Variants in RBM39 observed in about 807,000 individuals in gnomAD.
The protein encoded by RBM39 is RNA binding motif protein 39.
Under a neutral mutation model 79.6 loss-of-function variants are expected in RBM39, and 12 were observed. The ratio of observed to expected loss-of-function variants is 0.15; its 90% CI spans 0.10 to 0.24. The LOEUF (loss-of-function observed/expected upper bound fraction) is 0.24. Ranked by LOEUF, RBM39 falls within the 10% of genes least tolerant of loss-of-function variation. The probability of loss-of-function intolerance (pLI) is 1.00; values close to 1 mark genes in which losing one functional copy is unlikely to be tolerated. For missense variants in RBM39, 243 were observed against 653.4 expected, an observed-to-expected ratio of 0.37 and a Z score of 6.85; for synonymous variants, 185 against 208.4, an observed-to-expected ratio of 0.89 and a Z score of 0.97.
chr20:35,725,269 T>C (rs2038513347), intron 6 of RBM39, 114 bp from the exon 7 acceptor site: 3 of 670,082 alleles, frequency 4.5e-6, no homozygotes, highest in African/African-American at 3.6e-5. Flanking sequence ...GGGTTTTGGT[T>C]ACATAGATGA....
intron 3 of RBM39, among the ~76,000 whole-genome samples, chr20:35,737,849 A>C (rs7268320): frequency 1.2e-3 from 89 of 76,782 alleles, no homozygotes; most frequent in African/African-American, 4.2e-3. Flanking sequence ...ACTCCGTGTC[A>C]AAAAAAAAAA....
intron 9 of RBM39, among the ~76,000 whole-genome samples, chr20:35,720,855 C>A (rs757476604): frequency 1.3e-5 from 2 of 152,192 alleles, no homozygotes; most frequent in Non-Finnish European, 2.9e-5. Flanking sequence ...GAGGGGCATT[C>A]ACCCACTGAA....
intron 3 of RBM39, among the ~76,000 whole-genome samples, chr20:35,733,647 A>G (rs2039615843): frequency 1.3e-5 from 2 of 152,170 alleles, no homozygotes; most frequent in Admixed American, 1.3e-4. Flanking sequence ...GCATTAAAAT[A>G]CAATTTGACA....
intron 9 of RBM39, among the ~76,000 whole-genome samples, chr20:35,718,633 G>A (rs2037479794): frequency 6.6e-6 from 1 of 151,928 alleles, no homozygotes; most frequent in African/African-American, 2.4e-5. Context: ...CCAACATGGA[G>A]AAAAACCCTG....
At chr20:35,730,707 T>A (rs1280173225) in intron 4 of RBM39, among the ~76,000 whole-genome samples, 1 of 151,902 alleles carries the variant, frequency 6.6e-6, no homozygotes, top group Non-Finnish European at 1.5e-5. Flanking sequence ...TTCCCCTTAT[T>A]TAGTTCATCC....
chr20:35,720,476 T>C (rs1355349613), intron 9 of RBM39, among the ~76,000 whole-genome samples: 2 of 151,704 alleles, frequency 1.3e-5, no homozygotes, highest in Non-Finnish European at 2.9e-5. Flanking sequence ...ATGTTACTGA[T>C]AGAAAAGTCA....
chr20:35,741,672 C>A (rs1417331573), intron 1 of RBM39: 1 of 152,242 alleles, frequency 6.6e-6, no homozygotes, highest in Admixed American at 6.6e-5. Flanking sequence ...CAGCGTTCAA[C>A]TGGCGCCATG....
chr20:35,707,268 A>G, intron 13 of RBM39, 67 bp from the exon 14 acceptor site: 1 of 1,168,956 alleles, frequency 8.6e-7, no homozygotes, highest in Non-Finnish European at 1.2e-6. Context: ...TAAATACTTT[A>G]AAACGAAACC....
chr20:35,721,040 G>C (rs890443597), intron 9 of RBM39, among the ~76,000 whole-genome samples: 1 of 152,116 alleles, frequency 6.6e-6, no homozygotes, highest in African/African-American at 2.4e-5. Flanking sequence ...ATATTCAAGG[G>C]AGAAATTCTG....
intron 2 of RBM39, 132 bp from the exon 3 acceptor site, chr20:35,739,149 G>C: frequency 1.2e-6 from 1 of 810,148 alleles, no homozygotes; most frequent in East Asian, 2.7e-5. Flanking sequence ...AGTTTAACAT[G>C]GAAGGCTATA....
In RBM39 at chr20:35,742,018, C is replaced by G; in HGVS notation, c.-91G>C. ...CTGCTGCTGCTGCTGCTGCCGCCGCCGCCGCTTCTGTTGCTACTGTTAAGC... is the reference window on the plus strand; with the variant it reads ...CTGCTGCTGCTGCTGCTGCCGCCGCGGCCGCTTCTGTTGCTACTGTTAAGC... On this transcript the variant is annotated 5_prime_UTR_variant, in exon 1 of 17. Coordinates refer to ENST00000253363, the MANE Select transcript of RBM39 (RefSeq NM_184234.3). 3.9e-6 allele frequency: 1 copy of G among 253,442 alleles called. No individual in the cohort carries two copies. The highest frequency in any genetic ancestry group is 7.9e-6 in the Non-Finnish European group (1 of 126,870). The allele number at this position is 253,442 out of a possible 1,614,324, so 15.7% of individuals were successfully genotyped here. A position where few individuals can be genotyped will look rare whatever the true frequency, so the allele number is the denominator to read the frequency against.
intron 10 of RBM39, 38 bp downstream of exon 10, chr20:35,716,702 A>T (rs759286200): frequency 5.3e-6 from 7 of 1,331,172 alleles, no homozygotes; most frequent in Admixed American, 2.1e-5. Flanking sequence ...TTTAAAAAAA[A>T]AAAAACCCTA....
chr20:35,719,066 C>G (rs927254421), intron 9 of RBM39, among the ~76,000 whole-genome samples: 1 of 152,144 alleles, frequency 6.6e-6, no homozygotes, highest in Non-Finnish European at 1.5e-5. Context: ...ACTAATTGTT[C>G]TGGGGCAAAG....
intron 3 of RBM39, chr20:35,734,086 G>T: frequency 2.2e-6 from 1 of 445,512 alleles, no homozygotes; most frequent in Non-Finnish European, 3.7e-6. Context: ...CCTTATCAAA[G>T]CAAAGTTACA....
At position 35,704,545 on chromosome 20, in the gene RBM39, G is replaced by A; in HGVS notation, c.1529C>T (p.Thr510Ile). 1 of 1,613,696 alleles carries A rather than the reference G, an allele frequency of 6.2e-7. No homozygotes were observed. Among genetic ancestry groups the A allele is most frequent in the Non-Finnish European group, 8.5e-7 (1 of 1,179,628 alleles). Residue 510 changes from threonine (T) to isoleucine (I), a missense_variant, in exon 17 of 17, where the codon ACT becomes ATT. By Grantham distance (89) the Thr-to-Ile change is moderately conservative. Around this residue, in one of 4 missense-constraint regions of RBM39, gnomAD observed 48 missense variants for 130.2 expected, o/e 0.37. Transcript: ENST00000253363. ...AGAATCAGGAAACAGGTTGTGGTAA[G>A]TTGGAAGAGGTACATATGCTGCTGT... ...MITAAYVPLP[T>I]YHNLFPDSMT...
intron 2 of RBM39, chr20:35,739,771 T>TA: frequency 3.6e-6 from 1 of 275,080 alleles, no homozygotes; most frequent in South Asian, 3.6e-5. Context: ...ATACACTATT[T>TA]AAATCTATCA....
intron 3 of RBM39, chr20:35,736,492 T>C (rs550254219): frequency 2.1e-5 from 9 of 431,572 alleles, no homozygotes; most frequent in South Asian, 1.2e-4. Flanking sequence ...TCATCTGTTT[T>C]ATGAAATTTT....
rs3737261 is a variant in RBM39, at chr20:35,738,783, C to A, written c.101+185G>T. ...GGTATCTGAAACTATATTCTGAAATCTAAGCAAAAAAATCCACAGTTCCTC... is the reference window on the plus strand; with the variant it reads ...GGTATCTGAAACTATATTCTGAAATATAAGCAAAAAAATCCACAGTTCCTC... On this transcript the variant is annotated intron_variant, in intron 3 of 16. Transcript: ENST00000253363. 3.2e-3 allele frequency among the ~76,000 whole-genome samples: 487 copies of A among 152,226 alleles called. 3 individuals carry two copies. The East Asian group carries it at 0.041, about 13-fold the overall frequency.
At chr20:35,734,482 A>C (rs1424352858) in intron 3 of RBM39, 4 of 228,020 alleles carry the variant, frequency 1.8e-5, no homozygotes, top group South Asian at 5.6e-5. Flanking sequence ...AGTCCTAAAT[A>C]TATTCAATTA....
Sources: gnomAD v4.1 joint callset for allele counts (sites outside exome capture counted in the v4.1 genomes callset) on GRCh38, gnomAD v4.1.1 for gene constraint, gnomAD v4.1.1 regional missense constraint, MANE v1.5 for transcripts, NCBI Gene and HGNC (gene_info 2026-07-23, HGNC 2026-07-21) for gene names.